The following CLVS2 variants were observed in gnomAD, a reference collection of about 807,000 sequenced individuals.
CLVS2 encodes clavesin-2.
A neutral mutation model predicts 29.0 loss-of-function variants in CLVS2; 19 were observed. That is an observed-to-expected ratio of 0.66 (90% CI 0.46 to 0.96). The LOEUF is 0.96. Among genes scored for constraint, CLVS2 ranks in the 40% least tolerant of loss-of-function variants. The probability of loss-of-function intolerance (pLI) is 0.00; values close to 1 mark genes in which losing one functional copy is unlikely to be tolerated. For missense variants in CLVS2, 294 were observed against 404.1 expected, an observed-to-expected ratio of 0.73 and a Z score of 2.34; for synonymous variants, 161 against 151.3, an observed-to-expected ratio of 1.06 and a Z score of -0.47.
chr6:123,004,488 T>G (rs930202523), intron 2 of CLVS2, among the ~76,000 whole-genome samples: 4 of 152,210 alleles, frequency 2.6e-5, no homozygotes, highest in African/African-American at 9.6e-5. Context: ...TAGCCATTTC[T>G]TATTCTGAGT....
At chr6:123,044,148 C>G (rs1383945842) in intron 3 of CLVS2, among the ~76,000 whole-genome samples, 1 of 152,078 alleles carries the variant, frequency 6.6e-6, no homozygotes, top group Non-Finnish European at 1.5e-5. Flanking sequence ...ATTTTATTAC[C>G]TTTTTTCAAC....
At chr6:123,027,179 T>G (rs1775015005) in intron 3 of CLVS2, among the ~76,000 whole-genome samples, 1 of 152,222 alleles carries the variant, frequency 6.6e-6, no homozygotes, top group Non-Finnish European at 1.5e-5. Flanking sequence ...ACTTTGAATT[T>G]AAACTCTATT....
At position 122,997,430 on chromosome 6, in the gene CLVS2, T is replaced by G; in HGVS notation, c.-348T>G. The G allele has an allele frequency of 3.7e-6, 1 of 270,566 alleles. No individual in the cohort carries two copies. The highest frequency in any genetic ancestry group is 7.5e-6 in the Non-Finnish European group (1 of 132,982). The allele number at this position is 270,566 out of a possible 1,614,324, so 16.8% of individuals were successfully genotyped here. A position where few individuals can be genotyped will look rare whatever the true frequency, so the allele number is the denominator to read the frequency against. On this transcript the variant is annotated 5_prime_UTR_variant, in exon 2 of 6. Coordinates refer to ENST00000275162, the MANE Select transcript of CLVS2 (RefSeq NM_001010852.4). ...CAAGATCAGAAACACCCGTGCTAGGTGGAATTAGGGGTGATTTGTTAGGAA... is the reference window on the plus strand; with the variant it reads ...CAAGATCAGAAACACCCGTGCTAGGGGGAATTAGGGGTGATTTGTTAGGAA...
rs1055433973 is a variant in CLVS2 at position 123,065,737 on chromosome 6, A to G, written c.*1976A>G. 6.6e-6 allele frequency: 1 copy of G among 151,842 alleles called. No individual in the cohort carries two copies. Among genetic ancestry groups the G allele is most frequent in the Non-Finnish European group, 1.5e-5 (1 of 67,808 alleles). The allele number at this position is 151,842 out of a possible 1,614,324, so 9.4% of individuals were successfully genotyped here. On this transcript the variant is annotated 3_prime_UTR_variant, in exon 6 of 6. Transcript: ENST00000275162. The stretch of plus-strand genomic sequence containing the variant: ...CTTAGGCAGTATAATCCATTGGAAT[A>G]AAATAGAAACATTGTAAGTGCAGAG...
intron 3 of CLVS2, among the ~76,000 whole-genome samples, chr6:123,033,446 G>A (rs1208572279): frequency 6.6e-6 from 1 of 151,988 alleles, no homozygotes; most frequent in Non-Finnish European, 1.5e-5. Context: ...AAGTGCAAAA[G>A]CAATTAAACA....
intron 3 of CLVS2, among the ~76,000 whole-genome samples, chr6:123,025,537 C>T (rs767026910): frequency 3.3e-5 from 5 of 152,040 alleles, no homozygotes; most frequent in African/African-American, 4.8e-5. Context: ...ATGGATAGTG[C>T]GGTGTGCTGC....
At chr6:123,024,705 T>A (rs1774975211) in intron 3 of CLVS2, among the ~76,000 whole-genome samples, 1 of 152,128 alleles carries the variant, frequency 6.6e-6, no homozygotes, top group African/African-American at 2.4e-5. Context: ...AGAAATACTT[T>A]CTTGAAAAAT....
In CLVS2 at chr6:122,997,902, C is replaced by A; in HGVS notation, c.125C>A (p.Pro42Gln). The A allele has an allele frequency of 6.2e-7, 1 of 1,614,180 alleles. No homozygotes were observed. The highest frequency in any genetic ancestry group is 8.5e-7 in the Non-Finnish European group (1 of 1,180,048). The change falls in exon 2 of 6, where the codon CCG becomes CAG. Residue 42 changes from proline to glutamine, a missense_variant. Pro to Gln is a moderately conservative substitution (Grantham distance 76, BLOSUM62 -1). This residue lies in a region of CLVS2 where 212 missense variants were observed against 336.4 expected (regional missense o/e 0.63). Coordinates refer to ENST00000275162, the MANE Select transcript of CLVS2 (RefSeq NM_001010852.4). ...GTGAGGGATATGGTCATCACCAGGC[C>A]GGACATTGGCTTTCTGCGCACGGAT... is the stretch of plus-strand genomic sequence containing the variant. The part of the protein sequence containing the change: ...QEVRDMVITR[P>Q]DIGFLRTDDA...
At chr6:123,051,254 C>CTTAAA (rs563959613) in intron 4 of CLVS2, among the ~76,000 whole-genome samples, 3 of 152,150 alleles carry the variant, frequency 2.0e-5, no homozygotes, top group African/African-American at 4.8e-5. Flanking sequence ...GCTTCATTTT[C>CTTAAA]TTAAATTAAA....
chr6:123,018,510 G>C (rs868312704), intron 3 of CLVS2, among the ~76,000 whole-genome samples: 1 of 151,652 alleles, frequency 6.6e-6, no homozygotes, highest in East Asian at 1.9e-4. Context: ...CAATTTAAAG[G>C]GTTAGTTTTG....
At position 123,071,796 on chromosome 6, in the gene CLVS2, T is replaced by C. The variant is rs1772953733; in HGVS notation, c.*8035T>C. 1 of 152,034 alleles carries C rather than the reference T, an allele frequency of 6.6e-6. No individual in the cohort carries two copies. Among genetic ancestry groups the C allele is most frequent in the African/African-American group, 2.4e-5 (1 of 41,456 alleles). The allele number at this position is 152,034 out of a possible 1,614,324, so 9.4% of individuals were successfully genotyped here. A position where few individuals can be genotyped will look rare whatever the true frequency, so the allele number is the denominator to read the frequency against. ...AAATCTATATATTATAGTCATTTAG[T>C]CTGTGAACCATTTTAACAATTGGGT... On this transcript the variant is annotated 3_prime_UTR_variant, in exon 6 of 6. Transcript: ENST00000275162.
intron 3 of CLVS2, among the ~76,000 whole-genome samples, chr6:123,024,463 A>T (rs764448861): frequency 6.6e-6 from 1 of 152,110 alleles, no homozygotes; most frequent in South Asian, 2.1e-4. Context: ...GGTAACAAAA[A>T]CACTCAATTC....
At chr6:123,028,898 C>T (rs1430215555) in intron 3 of CLVS2, among the ~76,000 whole-genome samples, 1 of 152,092 alleles carries the variant, frequency 6.6e-6, no homozygotes. Flanking sequence ...TTTGTGTTTG[C>T]CCTACCCCCA....
chr6:123,021,884 T>A (rs1042534914), intron 3 of CLVS2, among the ~76,000 whole-genome samples: 1 of 152,040 alleles, frequency 6.6e-6, no homozygotes, highest in Non-Finnish European at 1.5e-5. Context: ...AATAGTACAG[T>A]TATTACCTAA....
intron 3 of CLVS2, among the ~76,000 whole-genome samples, chr6:123,029,527 A>T (rs557209455): frequency 6.6e-6 from 1 of 152,320 alleles, no homozygotes; most frequent in African/African-American, 2.4e-5. Flanking sequence ...GAAGTAGGTT[A>T]GTTTAGTTGT....
chr6:123,038,623 AT>A (rs202169424), intron 3 of CLVS2, among the ~76,000 whole-genome samples: 2 of 151,912 alleles, frequency 1.3e-5, no homozygotes. Flanking sequence ...ATTTTGATGT[AT>A]TTTTTCCAAG....
intron 4 of CLVS2, among the ~76,000 whole-genome samples, chr6:123,049,106 T>A (rs749745600): frequency 6.6e-6 from 1 of 152,208 alleles, no homozygotes; most frequent in Non-Finnish European, 1.5e-5. Context: ...TGGATGTTTT[T>A]TCACAGTATG....
In CLVS2 at chr6:123,051,171, A is replaced by G. The variant is rs570667986; in HGVS notation, c.675+2439A>G. Among the ~76,000 whole-genome samples, 8 of 152,288 alleles carry G rather than the reference A, an allele frequency of 5.3e-5. No homozygotes were observed. The South Asian group carries it at 1.7e-3, about 32-fold the overall frequency. On this transcript the variant is annotated intron_variant, in intron 4 of 5. Transcript: ENST00000275162. The stretch of plus-strand genomic sequence containing the variant: ...CGGATGCTATAAGTCTATGTTCTGA[A>G]AAGCTAGTAAAAGAGAACTGAGGAA...
chr6:122,997,900 G>A lies in CLVS2; in HGVS notation c.123G>A (p.Arg41=), dbSNP rs1774535282. ...AGGTGAGGGATATGGTCATCACCAGGCCGGACATTGGCTTTCTGCGCACGG... is the reference window on the plus strand; with the variant it reads ...AGGTGAGGGATATGGTCATCACCAGACCGGACATTGGCTTTCTGCGCACGG... The part of the protein sequence containing the change: ...IQEVRDMVIT[R]PDIGFLRTDD... Residue 41 remains arginine, a synonymous_variant, in exon 2 of 6, where the codon AGG becomes AGA. Transcript: ENST00000275162. The A allele has an allele frequency of 1.9e-6, 3 of 1,614,090 alleles. No individual in the cohort carries two copies. Among genetic ancestry groups the A allele is most frequent in the African/African-American group, 1.3e-5 (1 of 74,924 alleles).
Sources: gnomAD v4.1 joint callset for allele counts (sites outside exome capture counted in the v4.1 genomes callset) on GRCh38, gnomAD v4.1.1 for gene constraint, gnomAD v4.1.1 regional missense constraint, MANE v1.5 for transcripts, NCBI Gene and HGNC (gene_info 2026-07-23, HGNC 2026-07-21) for gene names.